Variants in CFAP47 observed in about 807,000 individuals in gnomAD.
CFAP47 encodes cilia and flagella associated protein 47.
CFAP47 carries 29 observed loss-of-function variants against 148.1 expected under a neutral mutation model. That is an observed-to-expected ratio of 0.20 (90% CI 0.15 to 0.27). CFAP47 has a LOEUF of 0.27. Ranked by LOEUF, CFAP47 falls within the 10% of genes least tolerant of loss-of-function variation. The pLI is 1.00. For synonymous variants in CFAP47, 664 were observed against 577.3 expected (o/e 1.15, Z -2.15); for missense variants, 1,872 against 1,697.5 (o/e 1.10, Z -1.81).
intron 40 of CFAP47, among the ~76,000 whole-genome samples, chrX:36,179,693 G>T (rs190886492): frequency 2.0e-4 from 22 of 111,404 alleles, no homozygotes; most frequent in African/African-American, 7.1e-4. Flanking sequence ...TTATGTTTGT[G>T]AATACTGAAC....
At chrX:36,358,063 T>C (rs1941799237) in intron 60 of CFAP47, among the ~76,000 whole-genome samples, 1 of 111,660 alleles carries the variant, frequency 9.0e-6, no homozygotes, top group African/African-American at 3.3e-5. Context: ...TCATTGTTCC[T>C]CCTGTGACCT....
intron 33 of CFAP47, among the ~76,000 whole-genome samples, chrX:36,132,020 CAAT>C (rs200525009): frequency 0.044 from 4,858 of 110,944 alleles, 270 homozygotes; most frequent in African/African-American, 0.15. Context: ...AATTATATCT[CAAT>C]ATAACTTTTA....
At chrX:36,328,734 C>T (rs1378742140) in intron 57 of CFAP47, among the ~76,000 whole-genome samples, 3 of 101,071 alleles carry the variant, frequency 3.0e-5, no homozygotes, top group East Asian at 3.3e-4. Context: ...GGCGTGAACC[C>T]GGGAAGCGGA....
intron 62 of CFAP47, among the ~76,000 whole-genome samples, chrX:36,372,970 T>C (rs943702588): frequency 8.9e-6 from 1 of 111,749 alleles, no homozygotes; most frequent in East Asian, 2.8e-4. Flanking sequence ...TATTGTAGGT[T>C]TGTAATGTAT....
chrX:36,006,922 A>G (rs1389136885), intron 21 of CFAP47, among the ~76,000 whole-genome samples: 3 of 112,028 alleles, frequency 2.7e-5, no homozygotes, highest in Non-Finnish European at 5.6e-5. Context: ...CAATACCTAC[A>G]TTTCTCATTC....
At position 36,106,582 on chromosome X, in the gene CFAP47, G is replaced by A. The variant is rs1043595534; in HGVS notation, c.5320+1891G>A. 7.2e-5 allele frequency among the ~76,000 whole-genome samples: 8 copies of A among 111,712 alleles called. No homozygotes were observed. In the Admixed American group the frequency reaches 7.6e-4, roughly 11 times the overall value. ...AACAAGAGGAACACTGTGTCCTCAC[G>A]TGGCAGAAGGCACAAAAGAGATAAA... On this transcript the variant is annotated intron_variant, in intron 33 of 63. Coordinates refer to ENST00000378653, the MANE Select transcript of CFAP47 (RefSeq NM_001304548.2).
At chrX:36,225,185 G>C (rs1940256505) in intron 45 of CFAP47, among the ~76,000 whole-genome samples, 1 of 111,805 alleles carries the variant, frequency 8.9e-6, no homozygotes, top group South Asian at 3.7e-4. Flanking sequence ...GATCCAGATA[G>C]TCCCTAACAT....
chrX:35,938,182 C>A (rs981148823), intron 2 of CFAP47, among the ~76,000 whole-genome samples: 11 of 110,793 alleles, frequency 9.9e-5, no homozygotes, highest in Non-Finnish European at 1.5e-4. Flanking sequence ...GAAAAAATTA[C>A]CTCTTTTCTT....
At position 36,133,156 on chromosome X, in the gene CFAP47, C is replaced by G. The variant is rs7885281; in HGVS notation, c.5321-4802C>G. On this transcript the variant is annotated intron_variant, in intron 33 of 63. Transcript: ENST00000378653. ...TGAGAGATCATGAAACTCCTAGTGG[C>G]CACAGTTATAGACTCTGCATCTTCT... Among the ~76,000 whole-genome samples the G allele has an allele frequency of 6.9e-3, 765 of 111,054 alleles. 8 individuals are homozygous for G. The highest frequency in any genetic ancestry group is 0.024 in the African/African-American group (740 of 30,630).
At chrX:35,970,166 C>T (rs1159127593) in intron 10 of CFAP47, among the ~76,000 whole-genome samples, 1 of 104,891 alleles carries the variant, frequency 9.5e-6, no homozygotes, top group African/African-American at 3.6e-5. Context: ...TGAATACTTG[C>T]ACATTTTTTT....
intron 16 of CFAP47, among the ~76,000 whole-genome samples, chrX:35,991,208 C>A (rs901637406): frequency 3.6e-5 from 4 of 110,938 alleles, no homozygotes; most frequent in African/African-American, 1.3e-4. Flanking sequence ...TATTGAGCCC[C>A]TACACTGTAC....
intron 30 of CFAP47, among the ~76,000 whole-genome samples, chrX:36,093,995 A>G (rs1938231498): frequency 9.0e-6 from 1 of 111,712 alleles, no homozygotes; most frequent in African/African-American, 3.2e-5. Context: ...TAGTAGTTTC[A>G]TAGTTTGAGG....
intron 48 of CFAP47, among the ~76,000 whole-genome samples, chrX:36,250,384 A>G: frequency 9.0e-6 from 1 of 110,666 alleles, no homozygotes; most frequent in Non-Finnish European, 1.9e-5. Context: ...TGGAGAGTAG[A>G]ATGGTGGTTA....
At chrX:35,977,405 G>A (rs763149525) in intron 15 of CFAP47, among the ~76,000 whole-genome samples, 14 of 111,412 alleles carry the variant, frequency 1.3e-4, no homozygotes, top group East Asian at 2.8e-4. Flanking sequence ...ATTTTATTAC[G>A]AAAATTTTCT....
chrX:35,935,570 CT>C (rs200513683), intron 2 of CFAP47, among the ~76,000 whole-genome samples: 17,928 of 89,204 alleles, frequency 0.2, 1,457 homozygotes, highest in East Asian at 0.32. Context: ...TACGAAGTTG[CT>C]TTTTTTTTTT....
chrX:36,160,855 T>C (rs1002009595), intron 39 of CFAP47, 86 bp downstream of exon 39: 44 of 230,581 alleles, frequency 1.9e-4, no homozygotes, highest in Non-Finnish European at 2.4e-4. Context: ...TCTTTCTTTT[T>C]TTTTTTTTTT....
At position 36,054,310 on chromosome X, in the gene CFAP47, A is replaced by G. The variant is rs775651325; in HGVS notation, c.4217+7247A>G. Among the ~76,000 whole-genome samples the G allele has an allele frequency of 2.0e-4, 23 of 112,528 alleles. 1 individual carries two copies. In the South Asian group the frequency reaches 2.9e-3, roughly 14 times the overall value. On this transcript the variant is annotated intron_variant, in intron 26 of 63. Transcript: ENST00000378653. ...TAGTTATCCATAAGTGTTGCTGTCT[A>G]TAATTTGGGCATTTCATATTAGATA...
intron 39 of CFAP47, among the ~76,000 whole-genome samples, chrX:36,171,959 C>G (rs1257708884): frequency 9.1e-6 from 1 of 109,520 alleles, no homozygotes; most frequent in Non-Finnish European, 1.9e-5. Flanking sequence ...TTGTTTGTAT[C>G]CTCTTTTATT....
At chrX:36,293,997 T>C (rs1556005971) in intron 51 of CFAP47, among the ~76,000 whole-genome samples, 1 of 111,224 alleles carries the variant, frequency 9.0e-6, no homozygotes, top group East Asian at 2.8e-4. Flanking sequence ...GAATTTGACA[T>C]AATGAAATAA....
Sources: allele counts gnomAD v4.1 joint callset (sites outside exome capture counted in the v4.1 genomes callset), GRCh38; gene constraint gnomAD v4.1.1; transcripts MANE v1.5; gene names NCBI Gene and HGNC (gene_info 2026-07-23, HGNC 2026-07-21).